USP9X: variants seen among roughly 807,000 people sequenced by gnomAD.
The protein encoded by USP9X is ubiquitin carboxyl-terminal hydrolase 9X.
A neutral mutation model predicts 190.3 loss-of-function variants in USP9X; 7 were observed. That is an observed-to-expected ratio of 0.04 (90% CI 0.02 to 0.07). The LOEUF is 0.07. Among genes scored for constraint, USP9X ranks in the 10% least tolerant of loss-of-function variants. The probability of loss-of-function intolerance (pLI) is 1.00; values close to 1 mark genes in which losing one functional copy is unlikely to be tolerated. For missense variants in USP9X, 1,010 were observed against 1,916.9 expected (o/e 0.53, Z 8.83); for synonymous variants, 645 against 659.5 (o/e 0.98, Z 0.34).
chrX:41,204,606 A>G (rs772164423), intron 31 of USP9X, among the ~76,000 whole-genome samples: 2 of 111,786 alleles, frequency 1.8e-5, no homozygotes, highest in East Asian at 5.6e-4. Flanking sequence ...GTTTCAGACA[A>G]TTACAGACCA....
intron 21 of USP9X, among the ~76,000 whole-genome samples, chrX:41,172,649 T>C (rs949921372): frequency 4.5e-5 from 5 of 112,272 alleles, no homozygotes; most frequent in Admixed American, 3.8e-4. Context: ...AATATAGTTC[T>C]CTAGATCACT....
At chrX:41,204,413 GTTT>G (rs35557222) in intron 31 of USP9X, among the ~76,000 whole-genome samples, 6 of 94,985 alleles carry the variant, frequency 6.3e-5, no homozygotes, top group African/African-American at 2.3e-4. Flanking sequence ...TTTGCCCTAT[GTTT>G]TTTTTTTTTT....
In USP9X at chrX:41,169,430, ATAT is replaced by A. The variant is rs1000527393; in HGVS notation, c.2637-560_2637-558del. 1.3e-4 allele frequency among the ~76,000 whole-genome samples: 14 copies of A among 111,973 alleles called. No homozygotes were observed. The South Asian group carries it at 2.6e-3, about 21-fold the overall frequency. On this transcript the variant is annotated intron_variant, in intron 18 of 44. Transcript: ENST00000378308. ...CAATAGAATATGATTATGTTTTTAAATATTATTTATATTTTTAGTTAAAAGGAG... is the reference window on the plus strand; with the variant it reads ...CAATAGAATATGATTATGTTTTTAAATATTTATATTTTTAGTTAAAAGGAG...
At chrX:41,124,781 G>GT (rs762587631) in intron 2 of USP9X, among the ~76,000 whole-genome samples, 6 of 111,856 alleles carry the variant, frequency 5.4e-5, no homozygotes, top group African/African-American at 1.9e-4. Context: ...CCATACTTGC[G>GT]TTATGACTCT....
intron 26 of USP9X, among the ~76,000 whole-genome samples, chrX:41,190,399 C>T (rs1236700939): frequency 2.7e-5 from 3 of 110,685 alleles, no homozygotes; most frequent in Non-Finnish European, 5.7e-5. Context: ...TAAGAAGGTC[C>T]TTGGGTAAGT....
chrX:41,145,672 A>T (rs1409613084), intron 11 of USP9X, among the ~76,000 whole-genome samples: 1 of 111,747 alleles, frequency 8.9e-6, no homozygotes, highest in African/African-American at 3.2e-5. Flanking sequence ...CTTGCCGTGT[A>T]TTATTTTTTA....
chrX:41,232,594 C>T lies in USP9X; in HGVS notation c.*70C>T. On this transcript the variant is annotated 3_prime_UTR_variant, in exon 45 of 45. Transcript: ENST00000378308. The stretch of plus-strand genomic sequence containing the variant: ...CTTACAGTCCAACCTTTTTCTGTGT[C>T]TGGCTAATATTTAAAACTAGAAAAA... 9.0e-7 allele frequency: 1 copy of T among 1,113,968 alleles called. No individual in the cohort carries two copies. The highest frequency in any genetic ancestry group is 1.8e-5 in the African/African-American group (1 of 55,323). 91.8% of individuals were successfully genotyped at this position (1,113,968 alleles called of 1,213,427 possible).
intron 1 of USP9X, among the ~76,000 whole-genome samples, chrX:41,109,493 C>T (rs998558118): frequency 8.9e-5 from 10 of 112,189 alleles, no homozygotes; most frequent in African/African-American, 2.9e-4. Flanking sequence ...TAAAAGAATA[C>T]ATTTCTGCTG....
At chrX:41,209,140 GTAATA>G (rs984545058) in intron 32 of USP9X, among the ~76,000 whole-genome samples, 2 of 111,549 alleles carry the variant, frequency 1.8e-5, no homozygotes, top group African/African-American at 3.3e-5. Flanking sequence ...TTATATCCAA[GTAATA>G]TAATAACGAT....
At chrX:41,089,911 T>G (rs2061942417) in intron 1 of USP9X, among the ~76,000 whole-genome samples, 2 of 74,028 alleles carry the variant, frequency 2.7e-5, no homozygotes, top group South Asian at 8.1e-4. Flanking sequence ...GGGTTTTTTT[T>G]TTTTTTTTTT....
Position 41,197,352 on chromosome X carries a change from C to CCCCCCGGGGGGGGGGG in USP9X, c.4234-12_4234-11insCCCCCGGGGGGGGGGG. 9.1e-6 allele frequency: 9 copies of CCCCCCGGGGGGGGGGG among 988,168 alleles called. No homozygotes were observed. The highest frequency in any genetic ancestry group is 1.2e-5 in the Non-Finnish European group (9 of 759,341). The allele number at this position is 988,168 out of a possible 1,213,427, so 81.4% of individuals were successfully genotyped here. On this transcript the variant is annotated splice_polypyrimidine_tract_variant and intron_variant, in intron 28 of 44. Transcript: ENST00000378308. ...TTCTTCCCCCCCCCACCCCACCCCC[C>CCCCCCGGGGGGGGGGG]GCCTTTGGCAGGATGATGTTAAAAG...
rs991104658 is a variant in USP9X at position 41,150,978 on chromosome X, A to G, written c.1684A>G (p.Asn562Asp). 2.5e-6 allele frequency: 3 copies of G among 1,208,348 alleles called. No homozygotes were observed. Among genetic ancestry groups the G allele is most frequent in the Non-Finnish European group, 2.2e-6 (2 of 893,675 alleles). The change falls in exon 13 of 45, where the codon AAT becomes GAT. Residue 562 changes from asparagine to aspartate, a missense_variant. Asn to Asp is a conservative substitution (Grantham distance 23). Transcript: ENST00000378308. ...IDRFIEELRT[N>D]DKWVIPALKQ... is the part of the protein sequence containing the mutation. ...TCGCTTTATAGAAGAACTTCGCACAAATGACAAATGGGTTATTCCCGCACT... is the reference window on the plus strand; with the variant it reads ...TCGCTTTATAGAAGAACTTCGCACAGATGACAAATGGGTTATTCCCGCACT...
intron 1 of USP9X, among the ~76,000 whole-genome samples, chrX:41,093,978 C>T (rs1056246047): frequency 2.2e-4 from 25 of 111,123 alleles, no homozygotes; most frequent in African/African-American, 8.2e-4. Context: ...TTTGTCCAGA[C>T]TTTTGAAAAT....
intron 1 of USP9X, among the ~76,000 whole-genome samples, chrX:41,119,295 T>G (rs1027601268): frequency 1.8e-5 from 2 of 111,097 alleles, no homozygotes; most frequent in South Asian, 3.8e-4. Flanking sequence ...GAGAATTGCT[T>G]GAGCCCAGGA....
Position 41,225,114 on chromosome X carries a change from T to A in USP9X, c.7038T>A (p.Ile2346=), listed in dbSNP as rs779160033. The A allele has an allele frequency of 8.3e-7, 1 of 1,211,738 alleles. No individual in the cohort carries two copies. Among genetic ancestry groups the A allele is most frequent in the Non-Finnish European group, 1.1e-6 (1 of 895,395 alleles). ...YLDLLLQILL[I]EDSWQTHRIH... is the part of the protein sequence containing the mutation. Reference sequence around the variant, plus strand: ...ATCTGCTTTTGCAAATCTTACTGATTGAGGACTCCTGGCAAACTCACAGGT... The same window carrying A: ...ATCTGCTTTTGCAAATCTTACTGATAGAGGACTCCTGGCAAACTCACAGGT... Residue 2346 remains isoleucine, a synonymous_variant, in exon 41 of 45, where the codon ATT becomes ATA. Transcript: ENST00000378308.
chrX:41,223,072 A>G lies in USP9X; in HGVS notation c.6566-145A>G, dbSNP rs928504893. 3.6e-5 allele frequency: 21 copies of G among 578,754 alleles called. 1 individual carries two copies. In the African/African-American group the frequency reaches 4.4e-4, roughly 12 times the overall value. The allele number at this position is 578,754 out of a possible 1,213,427, so 47.7% of individuals were successfully genotyped here. A position where few individuals can be genotyped will look rare whatever the true frequency, so the allele number is the denominator to read the frequency against. On this transcript the variant is annotated intron_variant, in intron 38 of 44. Coordinates refer to ENST00000378308, the MANE Select transcript of USP9X (RefSeq NM_001039591.3). ...GCTAAGTAAAAGTGATAAAATTACAAATCAAAATTTTTCTGATCATAAAAA... is the reference window on the plus strand; with the variant it reads ...GCTAAGTAAAAGTGATAAAATTACAGATCAAAATTTTTCTGATCATAAAAA...
chrX:41,168,238 A>C lies in USP9X; in HGVS notation c.2636+20A>C. 8.9e-7 allele frequency: 1 copy of C among 1,120,898 alleles called. No individual in the cohort carries two copies. Among genetic ancestry groups the C allele is most frequent in the Non-Finnish European group, 1.2e-6 (1 of 830,766 alleles). The allele number at this position is 1,120,898 out of a possible 1,213,427, so 92.4% of individuals were successfully genotyped here. A position where few individuals can be genotyped will look rare whatever the true frequency, so the allele number is the denominator to read the frequency against. ...GTCGAGGTTTGTGAATAACTAATCT[A>C]TTGGTGCTAATTCTTAATTATTTGA... On this transcript the variant is annotated intron_variant, in intron 18 of 44. Coordinates refer to ENST00000378308, the MANE Select transcript of USP9X (RefSeq NM_001039591.3).
At chrX:41,191,064 A>G (rs1037799542) in intron 26 of USP9X, among the ~76,000 whole-genome samples, 1 of 111,332 alleles carries the variant, frequency 9.0e-6, no homozygotes, top group African/African-American at 3.3e-5. Flanking sequence ...ACGGTGGCTC[A>G]TGCTTGTAAT....
intron 1 of USP9X, among the ~76,000 whole-genome samples, chrX:41,111,077 A>G (rs2062105168): frequency 9.0e-6 from 1 of 111,520 alleles, no homozygotes; most frequent in Non-Finnish European, 1.9e-5. Context: ...GAGCACTGCT[A>G]TAGACTGAAC....
Sources: allele counts gnomAD v4.1 joint callset (sites outside exome capture counted in the v4.1 genomes callset), GRCh38; gene constraint gnomAD v4.1.1; transcripts MANE v1.5; gene names NCBI Gene and HGNC (gene_info 2026-07-23, HGNC 2026-07-21).